Variants in DEAF1 observed in about 807,000 individuals in gnomAD.
The protein encoded by DEAF1 is DEAF1 transcription factor.
A neutral mutation model predicts 58.9 loss-of-function variants in DEAF1; 53 were observed. The ratio of observed to expected loss-of-function variants is 0.90; its 90% confidence interval spans 0.72 to 1.13. The LOEUF (loss-of-function observed/expected upper bound fraction) is 1.13. Ranked by LOEUF, DEAF1 falls within the 50% of genes most tolerant of loss-of-function variation. DEAF1 has a pLI of 0.00. For synonymous variants in DEAF1, 385 were observed against 340.4 expected (o/e 1.13, Z -1.44); for missense variants, 685 against 791.4 (o/e 0.87, Z 1.61).
chr11:693,941 G>A (rs1860959572), intron 1 of DEAF1, among the ~76,000 whole-genome samples: 1 of 152,178 alleles, frequency 6.6e-6, no homozygotes, highest in African/African-American at 2.4e-5. Context: ...ACTGGGAGGG[G>A]AGCCTGCACA....
At chr11:660,598 G>A (rs376871873) in intron 10 of DEAF1, among the ~76,000 whole-genome samples, 1 of 152,244 alleles carries the variant, frequency 6.6e-6, no homozygotes, top group African/African-American at 2.4e-5. Context: ...CTGGGGACAC[G>A]GGGATGGCGG....
intron 10 of DEAF1, chr11:674,318 C>T: frequency 1.6e-6 from 1 of 628,988 alleles, no homozygotes; most frequent in Non-Finnish European, 2.7e-6. Context: ...AACAAAGCAA[C>T]CTTATTTACA....
At chr11:691,989 A>C (rs1860857219) in intron 1 of DEAF1, among the ~76,000 whole-genome samples, 1 of 152,090 alleles carries the variant, frequency 6.6e-6, no homozygotes, top group African/African-American at 2.4e-5. Flanking sequence ...GCCTCCCCGC[A>C]GGTGAGGACA....
upstream of DEAF1, chr11:695,542 C>T (rs1401645857): frequency 4.2e-6 from 5 of 1,190,976 alleles, no homozygotes; most frequent in Admixed American, 2.1e-4. Context: ...TCGCCCGTTC[C>T]CGCCGCCGGC....
At chr11:704,557 C>A (rs1342402264) in intron 1 of DEAF1, 7 of 1,289,358 alleles carry the variant, frequency 5.4e-6, no homozygotes, top group Non-Finnish European at 7.1e-6. Flanking sequence ...GCTGGGCACA[C>A]CTGCCATCTG....
At chr11:670,253 T>C (rs569256677) in intron 10 of DEAF1, among the ~76,000 whole-genome samples, 3 of 152,230 alleles carry the variant, frequency 2.0e-5, no homozygotes, top group African/African-American at 4.8e-5. Context: ...ACATACAGTT[T>C]ACCTCAATTA....
At chr11:668,555 G>T (rs1014506573) in intron 10 of DEAF1, among the ~76,000 whole-genome samples, 1 of 152,170 alleles carries the variant, frequency 6.6e-6, no homozygotes, top group African/African-American at 2.4e-5. Context: ...GGGCACAGTG[G>T]TTCATGCCTG....
In DEAF1 at chr11:644,846, T is replaced by A. The variant is rs1858407400; in HGVS notation, c.1594-192A>T. On this transcript the variant is annotated intron_variant, in intron 11 of 11. Coordinates refer to ENST00000382409, the MANE Select transcript of DEAF1 (RefSeq NM_021008.4). The surrounding 1 kb of genome is among the most constrained non-coding windows in gnomAD (Gnocchi z 4.3). ...CCAATACAGCCTTCCCCACACTCTCTTGGTTTGAGGAATTGGATCAAAAGG... is the reference window on the plus strand; with the variant it reads ...CCAATACAGCCTTCCCCACACTCTCATGGTTTGAGGAATTGGATCAAAAGG... Among the ~76,000 whole-genome samples the A allele has an allele frequency of 6.6e-6, 1 of 152,046 alleles. No individual in the cohort carries two copies. Among genetic ancestry groups the A allele is most frequent in the South Asian group, 2.1e-4 (1 of 4,820 alleles).
At chr11:678,665 T>C (rs1182911178) in intron 9 of DEAF1, 29 bp downstream of exon 9, 10 of 1,613,480 alleles carry the variant, frequency 6.2e-6, no homozygotes, top group Non-Finnish European at 6.8e-6. Flanking sequence ...GACAATAACC[T>C]GTACATGTGT....
At chr11:678,518 G>C in intron 9 of DEAF1, 176 bp downstream of exon 9, 1 of 949,694 alleles carries the variant, frequency 1.1e-6, no homozygotes, top group Non-Finnish European at 1.6e-6. Flanking sequence ...CTGTGTGTCA[G>C]TAAAACTTTA....
chr11:678,584 C>CA, intron 9 of DEAF1, 110 bp downstream of exon 9: 1 of 1,548,376 alleles, frequency 6.5e-7, no homozygotes, highest in Non-Finnish European at 8.9e-7. Flanking sequence ...AATGCATCAA[C>CA]AAAAACAACA....
At chr11:702,134 G>A (rs1861525065) in intron 1 of DEAF1, among the ~76,000 whole-genome samples, 1 of 152,172 alleles carries the variant, frequency 6.6e-6, no homozygotes, top group South Asian at 2.1e-4. Context: ...GGGGAAGGGT[G>A]GCCCCCACCC....
At chr11:699,891 G>A (rs1849468365), upstream of DEAF1, 1 of 481,622 alleles carries the variant, frequency 2.1e-6, no homozygotes. Flanking sequence ...GAGGGCAGGG[G>A]CTGCAGTGCA....
At chr11:657,638 C>G (rs1347611211) in intron 10 of DEAF1, among the ~76,000 whole-genome samples, 1 of 152,212 alleles carries the variant, frequency 6.6e-6, no homozygotes, top group Non-Finnish European at 1.5e-5. Flanking sequence ...ACACCTGACT[C>G]TGGTGAGGAA....
At chr11:703,046 G>A (rs2133476864) in intron 1 of DEAF1, 1 of 1,612,820 alleles carries the variant, frequency 6.2e-7, no homozygotes, top group South Asian at 1.1e-5. Flanking sequence ...GCTTTGGCAG[G>A]CCCTAGTGTT....
upstream of DEAF1, chr11:697,404 A>G (rs1861247715): frequency 6.6e-6 from 1 of 152,272 alleles, no homozygotes; most frequent in African/African-American, 2.4e-5. Context: ...AGTCACTGAC[A>G]AAAAATGTTG....
intron 1 of DEAF1, among the ~76,000 whole-genome samples, chr11:692,921 C>T (rs955294603): frequency 6.6e-6 from 1 of 152,130 alleles, no homozygotes. Context: ...ACGGTTCCCT[C>T]ATCCTCGCCT....
chr11:662,571 G>A (rs892661871), intron 10 of DEAF1, among the ~76,000 whole-genome samples: 5 of 152,076 alleles, frequency 3.3e-5, no homozygotes, highest in East Asian at 1.9e-4. Context: ...AGGTTGCTCC[G>A]CGTTGCTGTT....
intron 10 of DEAF1, among the ~76,000 whole-genome samples, chr11:670,108 T>G (rs1859745251): frequency 6.6e-6 from 1 of 150,658 alleles, no homozygotes; most frequent in African/African-American, 2.4e-5. Context: ...GAGCAGTGAC[T>G]GTCCATGGGG....
Sources: gnomAD v4.1 joint callset for allele counts (sites outside exome capture counted in the v4.1 genomes callset) on GRCh38, gnomAD v4.1.1 for gene constraint, Gnocchi (gnomAD v3.1) non-coding constraint, MANE v1.5 for transcripts, NCBI Gene and HGNC (gene_info 2026-07-23, HGNC 2026-07-21) for gene names.